The following TMTC1 variants were observed in gnomAD, a reference collection of about 807,000 sequenced individuals.
The protein encoded by TMTC1 is transmembrane O-mannosyltransferase targeting cadherins 1, also known as protein O-mannosyl-transferase TMTC1.
TMTC1 carries 73 observed loss-of-function variants against 104.8 expected under a neutral mutation model. The ratio of observed to expected loss-of-function variants is 0.70; its 90% CI spans 0.58 to 0.85. The LOEUF is 0.85. TMTC1 is among the 40% of genes least tolerant of loss of function. The pLI, the probability that TMTC1 is intolerant of heterozygous loss-of-function variation, is 0.00. For synonymous variants in TMTC1, 434 were observed against 428.7 expected, an observed-to-expected ratio of 1.01 and a Z score of -0.15; for missense variants, 1,035 against 1,096.1, an observed-to-expected ratio of 0.94 and a Z score of 0.79.
Position 29,632,075 on chromosome 12 carries a change from CA to C in TMTC1, c.1128+1071del, listed in dbSNP as rs529912461. On this transcript the variant is annotated intron_variant, in intron 6 of 17. Coordinates refer to ENST00000539277, the MANE Select transcript of TMTC1 (RefSeq NM_001193451.2). ...GGAGAGTATATTACCTCTGCCCTTT[CA>C]TATTTCTCTTGCTTCCAAAACTTTC... 1.9e-3 allele frequency among the ~76,000 whole-genome samples: 295 copies of C among 152,262 alleles called. 2 individuals are homozygous for C. The highest frequency in any genetic ancestry group is 6.9e-3 in the African/African-American group (287 of 41,540).
chr12:29,677,963 G>A (rs10843480), intron 5 of TMTC1, among the ~76,000 whole-genome samples: 42,900 of 152,178 alleles, frequency 0.28, 6,128 homozygotes, highest in East Asian at 0.34. Context: ...AGGAAAAAAC[G>A]TAGCAATAGT....
intron 10 of TMTC1, among the ~76,000 whole-genome samples, chr12:29,541,517 C>A (rs993267228): frequency 2.6e-5 from 4 of 152,182 alleles, no homozygotes; most frequent in African/African-American, 9.6e-5. Flanking sequence ...ATTTTTAAAA[C>A]CAAGGAGAAT....
Position 29,506,699 on chromosome 12 carries a change from C to A in TMTC1, c.*147G>T. ...AGCAAGTCCTTCAGCACTGGGCTAC[C>A]AGCAGATGTCCCAAAATGTGTCACC... is the stretch of plus-strand genomic sequence containing the variant. On this transcript the variant is annotated 3_prime_UTR_variant, in exon 18 of 18. Coordinates refer to ENST00000539277, the MANE Select transcript of TMTC1 (RefSeq NM_001193451.2). 1.0e-6 allele frequency: 1 copy of A among 990,354 alleles called. No individual in the cohort carries two copies. The highest frequency in any genetic ancestry group is 1.5e-6 in the Non-Finnish European group (1 of 656,026). 61.3% of individuals were successfully genotyped at this position (990,354 alleles called of 1,614,324 possible).
intron 5 of TMTC1, among the ~76,000 whole-genome samples, chr12:29,635,972 C>T (rs1430131038): frequency 6.6e-6 from 1 of 152,210 alleles, no homozygotes; most frequent in East Asian, 1.9e-4. Context: ...CCACTTAGGA[C>T]ACCGTCAGAA....
rs917583496 is a variant in TMTC1, at chr12:29,506,411, T to TACC, written c.*432_*434dup. On this transcript the variant is annotated 3_prime_UTR_variant, in exon 18 of 18. Coordinates refer to ENST00000539277, the MANE Select transcript of TMTC1 (RefSeq NM_001193451.2). Reference sequence around the variant, plus strand: ...TCTTGGTAGGATTTTCCAAATGGCTTACCACAGAGGATTTATCCTCTTTTG... The same window carrying TACC: ...TCTTGGTAGGATTTTCCAAATGGCTTACCACCACAGAGGATTTATCCTCTTTTG... The TACC allele has an allele frequency of 1.3e-5, 2 of 155,942 alleles. No individual in the cohort carries two copies. The highest frequency in any genetic ancestry group is 4.8e-5 in the African/African-American group (2 of 41,500). 9.7% of individuals were successfully genotyped at this position (155,942 alleles called of 1,614,324 possible).
intron 5 of TMTC1, among the ~76,000 whole-genome samples, chr12:29,711,457 A>C (rs1045769800): frequency 6.6e-6 from 1 of 152,150 alleles, no homozygotes; most frequent in Non-Finnish European, 1.5e-5. Flanking sequence ...TACTGTGTAC[A>C]TTATCCTCCA....
At chr12:29,746,824 C>T (rs914453682) in intron 5 of TMTC1, among the ~76,000 whole-genome samples, 1 of 152,118 alleles carries the variant, frequency 6.6e-6, no homozygotes, top group Non-Finnish European at 1.5e-5. Flanking sequence ...ACCATTATCT[C>T]GCCCACAGAA....
At chr12:29,534,426 C>A (rs1373657083) in intron 11 of TMTC1, 3 of 152,190 alleles carry the variant, frequency 2.0e-5, no homozygotes, top group African/African-American at 7.2e-5. Context: ...AAAGATGGGA[C>A]CTTTGTGTGT....
At chr12:29,590,558 G>A (rs1165864010) in intron 7 of TMTC1, among the ~76,000 whole-genome samples, 15 of 152,276 alleles carry the variant, frequency 9.9e-5, no homozygotes, top group East Asian at 5.8e-4. Flanking sequence ...AGGCCAAGGC[G>A]GGCAGATCAG....
chr12:29,661,477 A>G (rs111994436), intron 5 of TMTC1: 14,590 of 240,602 alleles, frequency 0.061, 475 homozygotes, highest in African/African-American at 0.07. Flanking sequence ...GCTGGAGTGC[A>G]GTGGTGCGAT....
chr12:29,611,173 ACTT>A (rs145777307), intron 6 of TMTC1, among the ~76,000 whole-genome samples: 6,513 of 134,942 alleles, frequency 0.048, 436 homozygotes, highest in African/African-American at 0.17. Flanking sequence ...TTGGTTCTGA[ACTT>A]CTTTTTTTTT....
intron 5 of TMTC1, among the ~76,000 whole-genome samples, chr12:29,693,634 A>G (rs1418033157): frequency 6.6e-6 from 1 of 152,124 alleles, no homozygotes; most frequent in Non-Finnish European, 1.5e-5. Flanking sequence ...AATGCTGTGC[A>G]CTAAAAATGG....
chr12:29,762,835 C>T (rs903652287), intron 2 of TMTC1, among the ~76,000 whole-genome samples: 4 of 152,238 alleles, frequency 2.6e-5, no homozygotes, highest in African/African-American at 9.6e-5. Flanking sequence ...GTCTCACAGG[C>T]TGTAAAGCCG....
At chr12:29,675,397 C>A (rs1940685907) in intron 5 of TMTC1, among the ~76,000 whole-genome samples, 1 of 152,158 alleles carries the variant, frequency 6.6e-6, no homozygotes, top group Admixed American at 6.5e-5. Context: ...ATTCAGTTTG[C>A]CTGGCACTAA....
chr12:29,663,660 G>A (rs911570399), intron 5 of TMTC1, among the ~76,000 whole-genome samples: 2 of 151,266 alleles, frequency 1.3e-5, no homozygotes, highest in African/African-American at 4.9e-5. Context: ...AGGATTACAG[G>A]AGCCCGCCAC....
intron 7 of TMTC1, among the ~76,000 whole-genome samples, chr12:29,599,173 T>C (rs566955078): frequency 3.9e-5 from 6 of 152,214 alleles, no homozygotes; most frequent in Non-Finnish European, 7.4e-5. Flanking sequence ...TTTTAGTTCA[T>C]TGTAGCAATT....
At chr12:29,527,786 G>A (rs1045210134) in intron 11 of TMTC1, among the ~76,000 whole-genome samples, 71 of 152,142 alleles carry the variant, frequency 4.7e-4, no homozygotes, top group African/African-American at 1.7e-3. Context: ...AATAGGCAAA[G>A]AGATTATCTT....
intron 10 of TMTC1, among the ~76,000 whole-genome samples, chr12:29,549,221 A>G (rs1349827370): frequency 6.6e-6 from 1 of 151,840 alleles, no homozygotes; most frequent in African/African-American, 2.4e-5. Flanking sequence ...TCAGCAATAA[A>G]AAGTAATATG....
At chr12:29,709,704 C>T (rs560926025) in intron 5 of TMTC1, among the ~76,000 whole-genome samples, 2 of 152,290 alleles carry the variant, frequency 1.3e-5, no homozygotes, top group South Asian at 4.1e-4. Context: ...GGTAATGCAC[C>T]AATCACAACT....
Sources: gnomAD v4.1 joint callset for allele counts (sites outside exome capture counted in the v4.1 genomes callset) on GRCh38, gnomAD v4.1.1 for gene constraint, MANE v1.5 for transcripts, NCBI Gene and HGNC (gene_info 2026-07-23, HGNC 2026-07-21) for gene names.